ITGA1: variants seen among roughly 807,000 people sequenced by gnomAD.
The protein encoded by ITGA1 is integrin subunit alpha 1, also known as integrin alpha-1.
Under a neutral mutation model 145.9 loss-of-function variants are expected in ITGA1, and 85 were observed. The ratio of observed to expected loss-of-function variants is 0.58; its 90% CI spans 0.49 to 0.70. ITGA1 has a LOEUF of 0.70. Among genes scored for constraint, ITGA1 ranks in the 30% least tolerant of loss-of-function variants. The probability of loss-of-function intolerance (pLI) is 0.00; values close to 1 mark genes in which losing one functional copy is unlikely to be tolerated. For synonymous variants in ITGA1, 520 were observed against 495.3 expected (o/e 1.05, Z -0.66); for missense variants, 1,351 against 1,418.7 (o/e 0.95, Z 0.77).
chr5:52,839,706 A>G (rs1749223115), intron 1 of ITGA1, among the ~76,000 whole-genome samples: 1 of 152,226 alleles, frequency 6.6e-6, no homozygotes, highest in Admixed American at 6.5e-5. Flanking sequence ...TTTTGTTAGT[A>G]TGCACAATAG....
intron 22 of ITGA1, 153 bp downstream of exon 22, chr5:52,932,289 C>G: frequency 3.5e-6 from 2 of 577,500 alleles, no homozygotes; most frequent in East Asian, 5.7e-5. Flanking sequence ...ATCAGAAACT[C>G]GGAGGATGGG....
intron 7 of ITGA1, among the ~76,000 whole-genome samples, chr5:52,886,432 G>A (rs922864221): frequency 6.6e-6 from 1 of 152,222 alleles, no homozygotes; most frequent in African/African-American, 2.4e-5. Context: ...TCTTTGGAAT[G>A]TTAGCTTAAG....
chr5:52,948,991 C>T (rs144610685), intron 28 of ITGA1: 117 of 152,220 alleles, frequency 7.7e-4, no homozygotes, highest in African/African-American at 2.7e-3. Context: ...AAACTAAGCT[C>T]ATTGTTTCAT....
At chr5:52,836,878 C>T (rs1187987882) in intron 1 of ITGA1, among the ~76,000 whole-genome samples, 2 of 151,870 alleles carry the variant, frequency 1.3e-5, no homozygotes, top group East Asian at 3.9e-4. Context: ...CCTGTTACTA[C>T]GTCTTCAAAT....
intron 8 of ITGA1, among the ~76,000 whole-genome samples, chr5:52,889,509 T>C (rs1238253526): frequency 1.3e-5 from 2 of 152,246 alleles, no homozygotes; most frequent in African/African-American, 4.8e-5. Context: ...GTGAAAAATC[T>C]GTATCCTTCT....
At position 52,911,342 on chromosome 5, in the gene ITGA1, A is replaced by AGT. The variant is rs536688390; in HGVS notation, c.1857+924_1857+925dup. On this transcript the variant is annotated intron_variant, in intron 14 of 28. Transcript: ENST00000282588. Reference sequence around the variant, plus strand: ...TATATAGTGTATATAGTGTATATATAGTATATAGTGTATATATAGTGTATA... The same window carrying AGT: ...TATATAGTGTATATAGTGTATATATAGTGTATATAGTGTATATATAGTGTATA... 8.9e-3 allele frequency among the ~76,000 whole-genome samples: 1,195 copies of AGT among 134,720 alleles called. 19 individuals carry two copies. Among genetic ancestry groups the AGT allele is most frequent in the African/African-American group, 0.031 (1,154 of 37,338 alleles). The allele number at this position is 134,720 out of a possible 152,430, so 88.4% of individuals were successfully genotyped here. A position where few individuals can be genotyped will look rare whatever the true frequency, so the allele number is the denominator to read the frequency against.
At chr5:52,914,178 T>C (rs1750606968) in intron 14 of ITGA1, among the ~76,000 whole-genome samples, 1 of 152,116 alleles carries the variant, frequency 6.6e-6, no homozygotes, top group Non-Finnish European at 1.5e-5. Flanking sequence ...AATATTAGAG[T>C]TGGATTTGTT....
chr5:52,837,125 T>A (rs920120343), intron 1 of ITGA1, among the ~76,000 whole-genome samples: 1 of 152,090 alleles, frequency 6.6e-6, no homozygotes, highest in Admixed American at 6.6e-5. Flanking sequence ...TCAGAACCAA[T>A]TGGGAAATGA....
Position 52,958,827 on chromosome 5 carries a change from A to G in ITGA1, c.*6376A>G. 6.6e-6 allele frequency: 1 copy of G among 152,156 alleles called. No individual in the cohort carries two copies. The highest frequency in any genetic ancestry group is 1.9e-4 in the East Asian group (1 of 5,192). The allele number at this position is 152,156 out of a possible 1,614,324, so 9.4% of individuals were successfully genotyped here. A position where few individuals can be genotyped will look rare whatever the true frequency, so the allele number is the denominator to read the frequency against. On this transcript the variant is annotated 3_prime_UTR_variant, in exon 29 of 29. Transcript: ENST00000282588. ...TGCTCATTTTTTTTTGCCTCACTAA[A>G]ATGACTAACTTAAGGGAATGTGCAT...
At position 52,870,381 on chromosome 5, in the gene ITGA1, T is replaced by G. The variant is rs1178109884; in HGVS notation, c.624+4564T>G. ...GAGGAGGGTGCAAAAGATAGAAAGC[T>G]AAGAGCTGGACAGAGAACTTTTAGA... On this transcript the variant is annotated intron_variant, in intron 6 of 28. Coordinates refer to ENST00000282588, the MANE Select transcript of ITGA1 (RefSeq NM_181501.2). 2.6e-5 allele frequency among the ~76,000 whole-genome samples: 4 copies of G among 152,300 alleles called. No individual in the cohort carries two copies. In the East Asian group the frequency reaches 7.7e-4, roughly 29 times the overall value.
rs781498211 is a variant in ITGA1, at chr5:52,910,577, C to CTA, written c.1857+169_1857+170dup. Among the ~76,000 whole-genome samples the CTA allele has an allele frequency of 5.2e-4, 77 of 149,192 alleles. No individual in the cohort carries two copies. The East Asian group carries it at 9.4e-3, about 18-fold the overall frequency. On this transcript the variant is annotated intron_variant, in intron 14 of 28. Coordinates refer to ENST00000282588, the MANE Select transcript of ITGA1 (RefSeq NM_181501.2). ...TTAAGTGTTTTTTATAGATTAGTTA[C>CTA]TATATATATATACACACACAAACAA...
intron 26 of ITGA1, among the ~76,000 whole-genome samples, chr5:52,942,832 C>T (rs1214553327): frequency 6.6e-6 from 1 of 152,016 alleles, no homozygotes; most frequent in African/African-American, 2.4e-5. Flanking sequence ...TGAGCCACCG[C>T]ACCCAGCCCT....
At chr5:52,893,653 TG>T (rs1369785388) in intron 8 of ITGA1, 21 bp from the exon 9 acceptor site, 3 of 1,596,900 alleles carry the variant, frequency 1.9e-6, no homozygotes, top group African/African-American at 2.7e-5. Context: ...AATATATTCT[TG>T]CTGTTTCTGT....
At chr5:52,861,415 C>A (rs1344092553) in intron 2 of ITGA1, 32 bp from the exon 3 acceptor site, 3 of 1,364,796 alleles carry the variant, frequency 2.2e-6, no homozygotes, top group South Asian at 2.4e-5. Context: ...TCTCAATGTT[C>A]AAAAATGTTT....
intron 7 of ITGA1, among the ~76,000 whole-genome samples, chr5:52,885,981 T>C (rs999836843): frequency 1.1e-4 from 16 of 152,204 alleles, no homozygotes; most frequent in Non-Finnish European, 7.3e-5. Context: ...TTTTAAAAGA[T>C]AATATCATGG....
intron 6 of ITGA1, among the ~76,000 whole-genome samples, chr5:52,870,579 G>A (rs1431507167): frequency 6.6e-6 from 1 of 152,224 alleles, no homozygotes; most frequent in Non-Finnish European, 1.5e-5. Flanking sequence ...CCTAACTCCT[G>A]TCTGAATTGT....
intron 1 of ITGA1, 80 bp downstream of exon 1, chr5:52,788,494 T>C (rs1441397590): frequency 2.4e-5 from 29 of 1,196,134 alleles, no homozygotes; most frequent in East Asian, 3.2e-5. Context: ...CTCAGAGCCA[T>C]GGGCCAGATA....
intron 1 of ITGA1, chr5:52,801,863 C>T: frequency 6.6e-7 from 1 of 1,525,904 alleles, no homozygotes; most frequent in Non-Finnish European, 8.9e-7. Flanking sequence ...AAAATTGAGA[C>T]AATCTTGTGT....
Position 52,787,984 on chromosome 5 carries a change from T to C in ITGA1, c.-370T>C, listed in dbSNP as rs1198650370. The C allele has an allele frequency of 4.7e-6, 1 of 214,462 alleles. No individual in the cohort carries two copies. The highest frequency in any genetic ancestry group is 2.3e-5 in the African/African-American group (1 of 43,836). 13.3% of individuals were successfully genotyped at this position (214,462 alleles called of 1,614,324 possible). A position where few individuals can be genotyped will look rare whatever the true frequency, so the allele number is the denominator to read the frequency against. ...GATCACCCTCTCAATGAAAGGCAGA[T>C]GTCCCTTTAAGGTTTGCTTCTACAG... is the stretch of plus-strand genomic sequence containing the variant. On this transcript the variant is annotated 5_prime_UTR_variant, in exon 1 of 29. The change abolishes an upstream ATG in the 5' untranslated region. Coordinates refer to ENST00000282588, the MANE Select transcript of ITGA1 (RefSeq NM_181501.2).
Sources: allele counts gnomAD v4.1 joint callset (sites outside exome capture counted in the v4.1 genomes callset), GRCh38; gene constraint gnomAD v4.1.1; transcripts MANE v1.5; gene names NCBI Gene and HGNC (gene_info 2026-07-23, HGNC 2026-07-21).